Variants in GRID2 observed in about 807,000 individuals in gnomAD.
GRID2 encodes glutamate ionotropic receptor delta type subunit 2, also known as glutamate receptor ionotropic, delta-2.
A neutral mutation model predicts 114.8 loss-of-function variants in GRID2; 33 were observed. The ratio of observed to expected loss-of-function variants is 0.29; its 90% confidence interval spans 0.22 to 0.38. The LOEUF (loss-of-function observed/expected upper bound fraction) is 0.38, where lower values mean the gene tolerates loss of function less well. GRID2 is among the 10% of genes least tolerant of loss of function. The probability of loss-of-function intolerance (pLI) is 1.00; values close to 1 mark genes in which losing one functional copy is unlikely to be tolerated. For synonymous variants in GRID2, 505 were observed against 449.9 expected, an observed-to-expected ratio of 1.12 and a Z score of -1.55; for missense variants, 1,184 against 1,257.7, an observed-to-expected ratio of 0.94 and a Z score of 0.89.
At chr4:92,533,482 T>TACATACATACAC (rs1486871264) in intron 1 of GRID2, among the ~76,000 whole-genome samples, 34 of 147,226 alleles carry the variant, frequency 2.3e-4, no homozygotes, top group South Asian at 4.4e-4. Context: ...CATACATACA[T>TACATACATACAC]ACACACACAG....
intron 2 of GRID2, among the ~76,000 whole-genome samples, chr4:92,728,608 G>A (rs1319012863): frequency 6.6e-6 from 1 of 151,864 alleles, no homozygotes; most frequent in Non-Finnish European, 1.5e-5. Context: ...ACTACTCTTG[G>A]AAGTAACACT....
chr4:93,278,734 G>A (rs1752338649), intron 8 of GRID2, among the ~76,000 whole-genome samples: 1 of 151,864 alleles, frequency 6.6e-6, no homozygotes, highest in Admixed American at 6.6e-5. Context: ...CTTATTATAA[G>A]ATCATAGGAA....
At chr4:92,986,284 G>A (rs1754505448) in intron 2 of GRID2, among the ~76,000 whole-genome samples, 1 of 152,092 alleles carries the variant, frequency 6.6e-6, no homozygotes, top group South Asian at 2.1e-4. Context: ...GAAACTCTAG[G>A]AAGAATACTA....
At chr4:93,216,513 ATTG>A (rs1216945212) in intron 5 of GRID2, among the ~76,000 whole-genome samples, 1 of 152,144 alleles carries the variant, frequency 6.6e-6, no homozygotes. Flanking sequence ...TCCATTTAGC[ATTG>A]TTTAGGCACT....
intron 1 of GRID2, among the ~76,000 whole-genome samples, chr4:92,336,975 T>TTTC (rs1553925062): frequency 6.8e-6 from 1 of 146,170 alleles, no homozygotes; most frequent in African/African-American, 2.5e-5. Flanking sequence ...TTTTTTTTTT[T>TTTC]CATGAATTTT....
chr4:92,546,159 G>A (rs150791689), intron 1 of GRID2, among the ~76,000 whole-genome samples: 1 of 152,184 alleles, frequency 6.6e-6, no homozygotes, highest in East Asian at 1.9e-4. Flanking sequence ...TTTACAATGT[G>A]ACTGTATATT....
intron 2 of GRID2, among the ~76,000 whole-genome samples, chr4:92,622,558 C>A (rs548377302): frequency 2.0e-5 from 3 of 151,752 alleles, no homozygotes; most frequent in Admixed American, 6.6e-5. Context: ...TTGGGATTTC[C>A]CAAAATACAC....
At chr4:92,940,409 A>G (rs980705687) in intron 2 of GRID2, among the ~76,000 whole-genome samples, 4 of 147,740 alleles carry the variant, frequency 2.7e-5, no homozygotes, top group Admixed American at 7.2e-5. Flanking sequence ...TTTTTTGTAC[A>G]TTGAGTTTGT....
chr4:92,598,054 A>G (rs1729035575), intron 2 of GRID2, among the ~76,000 whole-genome samples: 1 of 152,196 alleles, frequency 6.6e-6, no homozygotes, highest in African/African-American at 2.4e-5. Flanking sequence ...TGACAAGTGT[A>G]ATGAGGTTTA....
At chr4:93,531,069 G>A (rs539821141) in intron 13 of GRID2, among the ~76,000 whole-genome samples, 51 of 152,182 alleles carry the variant, frequency 3.4e-4, no homozygotes, top group African/African-American at 1.1e-3. Context: ...CTTTGATTAG[G>A]GAAGGATGCC....
At chr4:93,240,259 C>T (rs928976073) in intron 8 of GRID2, among the ~76,000 whole-genome samples, 1 of 151,622 alleles carries the variant, frequency 6.6e-6, no homozygotes, top group Admixed American at 6.6e-5. Context: ...ACCAGCAGTG[C>T]AGGCATTGCC....
At chr4:93,701,636 T>C (rs1004157107) in intron 14 of GRID2, among the ~76,000 whole-genome samples, 1 of 152,048 alleles carries the variant, frequency 6.6e-6, no homozygotes. Flanking sequence ...TTCAAGAACA[T>C]TAACTTTTTT....
chr4:92,458,160 T>C (rs1721309572), intron 1 of GRID2, among the ~76,000 whole-genome samples: 1 of 152,200 alleles, frequency 6.6e-6, no homozygotes, highest in South Asian at 2.1e-4. Flanking sequence ...AAATGTTTTG[T>C]ACCTTAAATT....
At chr4:92,399,661 C>CTATATA in intron 1 of GRID2, among the ~76,000 whole-genome samples, 1 of 139,690 alleles carries the variant, frequency 7.2e-6, no homozygotes, top group South Asian at 2.3e-4. Context: ...CTCTCTCTCT[C>CTATATA]TCTCTATATA....
intron 13 of GRID2, among the ~76,000 whole-genome samples, chr4:93,599,903 A>T (rs58199464): frequency 6.6e-6 from 1 of 152,152 alleles, no homozygotes; most frequent in Non-Finnish European, 1.5e-5. Flanking sequence ...TACCAGAAAG[A>T]TGAGAATCAG....
chr4:93,042,331 C>T lies in GRID2; in HGVS notation c.245-42664C>T, dbSNP rs1239932167. Among the ~76,000 whole-genome samples, 4 of 136,624 alleles carry T rather than the reference C, an allele frequency of 2.9e-5. No individual in the cohort carries two copies. In the South Asian group the frequency reaches 9.8e-4, roughly 34 times the overall value. The allele number at this position is 136,624 out of a possible 152,430, so 89.6% of individuals were successfully genotyped here. ...TATATATATATATACACCTATTTAA[C>T]AAACCTGCACATTCTGCACATGTAC... On this transcript the variant is annotated intron_variant, in intron 2 of 15. Coordinates refer to ENST00000282020, the MANE Select transcript of GRID2 (RefSeq NM_001510.4).
At chr4:92,336,538 T>C (rs1296250459) in intron 1 of GRID2, among the ~76,000 whole-genome samples, 1 of 152,196 alleles carries the variant, frequency 6.6e-6, no homozygotes, top group Non-Finnish European at 1.5e-5. Flanking sequence ...TGCAGTAACC[T>C]CAAAACTTGC....
chr4:92,532,722 T>A (rs1468393239), intron 1 of GRID2, among the ~76,000 whole-genome samples: 1 of 152,160 alleles, frequency 6.6e-6, no homozygotes, highest in Non-Finnish European at 1.5e-5. Flanking sequence ...GTCATGTAAA[T>A]GTAATATGTT....
At chr4:93,788,325 A>G (rs1374232234) in intron 1 of GRID2, among the ~76,000 whole-genome samples, 1 of 152,052 alleles carries the variant, frequency 6.6e-6, no homozygotes, top group Non-Finnish European at 1.5e-5. Flanking sequence ...TCAAAAAAAA[A>G]AGAAAAGAAA....
Sources: gnomAD v4.1 joint callset for allele counts (sites outside exome capture counted in the v4.1 genomes callset) on GRCh38, gnomAD v4.1.1 for gene constraint, MANE v1.5 for transcripts, NCBI Gene and HGNC (gene_info 2026-07-23, HGNC 2026-07-21) for gene names.